TENM1: variants seen among roughly 807,000 people sequenced by gnomAD.
The protein encoded by TENM1 is teneurin transmembrane protein 1.
A neutral mutation model predicts 174.8 loss-of-function variants in TENM1; 35 were observed. The ratio of observed to expected loss-of-function variants is 0.20; its 90% CI spans 0.15 to 0.27. The LOEUF (loss-of-function observed/expected upper bound fraction) is 0.27, where lower values mean the gene tolerates loss of function less well. Ranked by LOEUF, TENM1 falls within the 10% of genes least tolerant of loss-of-function variation. TENM1 has a pLI of 1.00. For missense variants in TENM1, 1,633 were observed against 2,130.1 expected (o/e 0.77, Z 4.59); for synonymous variants, 781 against 798.7 (o/e 0.98, Z 0.37).
At chrX:124,724,223 C>A (rs1403314041) in intron 4 of TENM1, among the ~76,000 whole-genome samples, 2 of 111,866 alleles carry the variant, frequency 1.8e-5, no homozygotes, top group African/African-American at 6.5e-5. Context: ...GAAATCTACT[C>A]TATCTGTAGT....
At chrX:124,773,120 G>C (rs2054697264) in intron 3 of TENM1, among the ~76,000 whole-genome samples, 1 of 111,590 alleles carries the variant, frequency 9.0e-6, no homozygotes, top group African/African-American at 3.3e-5. Context: ...CAAGACCTCT[G>C]CTTTTCCTTT....
At chrX:125,186,502 A>G in the TENM1 span, among the ~76,000 whole-genome samples, 1 of 109,505 alleles carries the variant, frequency 9.1e-6, no homozygotes, top group Non-Finnish European at 1.9e-5. Flanking sequence ...ATGGGAGTAG[A>G]TCCTTCATGA....
chrX:124,547,937 C>T (rs993691931), intron 14 of TENM1, among the ~76,000 whole-genome samples: 1 of 111,783 alleles, frequency 8.9e-6, no homozygotes, highest in Non-Finnish European at 1.9e-5. Context: ...CCCGGGTTCA[C>T]GCCATTCTCC....
At chrX:124,568,794 T>G (rs186649681) in intron 11 of TENM1, among the ~76,000 whole-genome samples, 1 of 111,695 alleles carries the variant, frequency 9.0e-6, no homozygotes, top group Admixed American at 9.5e-5. Flanking sequence ...TGGATGCTTT[T>G]CCTATAGCAG....
chrX:124,597,949 C>G (rs1250905628), intron 11 of TENM1, among the ~76,000 whole-genome samples: 1 of 111,404 alleles, frequency 9.0e-6, no homozygotes, highest in Non-Finnish European at 1.9e-5. Context: ...AAACAACCCA[C>G]AGAATGGGAG....
chrX:124,787,113 T>C (rs963200810), intron 3 of TENM1, among the ~76,000 whole-genome samples: 1 of 111,527 alleles, frequency 9.0e-6, no homozygotes, highest in African/African-American at 3.3e-5. Context: ...AACACAACTC[T>C]CAAAGTATTA....
At chrX:124,945,164 C>T (rs1337498841) in intron 1 of TENM1, among the ~76,000 whole-genome samples, 2 of 111,872 alleles carry the variant, frequency 1.8e-5, no homozygotes, top group African/African-American at 6.5e-5. Context: ...AGAGACCGAG[C>T]CAGGTCCCTA....
intron 6 of TENM1, among the ~76,000 whole-genome samples, chrX:124,669,359 G>A (rs2051863204): frequency 1.8e-5 from 2 of 111,324 alleles, no homozygotes; most frequent in Admixed American, 1.9e-4. Flanking sequence ...TAGGAGAGTA[G>A]AGAAAACAAT....
intron 11 of TENM1, among the ~76,000 whole-genome samples, chrX:124,576,798 G>A (rs1316982479): frequency 9.0e-6 from 1 of 111,664 alleles, no homozygotes; most frequent in Non-Finnish European, 1.9e-5. Flanking sequence ...TTTTATGAAT[G>A]ATATTTGACC....
intron 3 of TENM1, among the ~76,000 whole-genome samples, chrX:124,777,686 A>C (rs1202384297): frequency 8.9e-6 from 1 of 112,556 alleles, no homozygotes; most frequent in Non-Finnish European, 1.9e-5. Flanking sequence ...GAAGTATTCT[A>C]TTTAATTGCC....
At chrX:124,453,190 A>C (rs925743989) in intron 23 of TENM1, 147 bp downstream of exon 26, 149 of 554,809 alleles carry the variant, frequency 2.7e-4, no homozygotes, top group Non-Finnish European at 3.8e-4. Context: ...CGAGGAAAAA[A>C]GTAACTTACA....
At chrX:125,138,062 TC>T in the TENM1 span, among the ~76,000 whole-genome samples, 1 of 111,137 alleles carries the variant, frequency 9.0e-6, no homozygotes, top group Non-Finnish European at 1.9e-5. Flanking sequence ...ATCAGTTTTT[TC>T]ATCACCCCTC....
chrX:124,810,829 C>A (rs1314642506), intron 3 of TENM1, among the ~76,000 whole-genome samples: 3 of 111,368 alleles, frequency 2.7e-5, no homozygotes, highest in Admixed American at 9.5e-5. Flanking sequence ...AACAGCTCAG[C>A]ACCAGCAATT....
chrX:124,438,159 A>G (rs758047176), intron 23 of TENM1, among the ~76,000 whole-genome samples: 2 of 111,457 alleles, frequency 1.8e-5, no homozygotes, highest in Non-Finnish European at 3.8e-5. Flanking sequence ...AACTCCTGGC[A>G]TCAGGTGATC....
At chrX:124,599,519 G>T (rs897053816) in intron 11 of TENM1, among the ~76,000 whole-genome samples, 1 of 110,805 alleles carries the variant, frequency 9.0e-6, no homozygotes, top group African/African-American at 3.3e-5. Flanking sequence ...TAAGATTGTG[G>T]GACTTTAACA....
chrX:124,765,973 G>A (rs1369450380), intron 3 of TENM1, among the ~76,000 whole-genome samples: 1 of 111,960 alleles, frequency 8.9e-6, no homozygotes, highest in Non-Finnish European at 1.9e-5. Flanking sequence ...AAAGGTTCAC[G>A]AAAGTCACAT....
At chrX:125,162,379 C>T in the TENM1 span, among the ~76,000 whole-genome samples, 8 of 112,430 alleles carry the variant, frequency 7.1e-5, no homozygotes, top group African/African-American at 2.3e-4. Context: ...CTCAGTAACT[C>T]ACTCACTGCA....
At chrX:124,437,993 G>C (rs767190953) in intron 23 of TENM1, among the ~76,000 whole-genome samples, 1 of 112,103 alleles carries the variant, frequency 8.9e-6, no homozygotes, top group Non-Finnish European at 1.9e-5. Context: ...GCACTGATTC[G>C]TGCACTTTCC....
chrX:124,586,353 T>C (rs2049512014), intron 11 of TENM1, among the ~76,000 whole-genome samples: 1 of 107,417 alleles, frequency 9.3e-6, no homozygotes. Context: ...TCAAGTGGGC[T>C]TCATCCCTGG....
Sources: gnomAD v4.1 joint callset for allele counts (sites outside exome capture counted in the v4.1 genomes callset) on GRCh38, gnomAD v4.1.1 for gene constraint, MANE v1.5 for transcripts, NCBI Gene and HGNC (gene_info 2026-07-23, HGNC 2026-07-21) for gene names.